KBTBD7: variants seen among roughly 807,000 people sequenced by gnomAD.
KBTBD7 encodes kelch repeat and BTB domain containing 7.
KBTBD7 carries 25 observed loss-of-function variants against 50.3 expected under a neutral mutation model. The ratio of observed to expected loss-of-function variants is 0.50; its 90% CI spans 0.36 to 0.69. The LOEUF (loss-of-function observed/expected upper bound fraction) is 0.69. Ranked by LOEUF, KBTBD7 falls within the 30% of genes least tolerant of loss-of-function variation. The pLI, the probability that KBTBD7 is intolerant of heterozygous loss-of-function variation, is 0.00. For missense variants in KBTBD7, 653 were observed against 869.5 expected, an observed-to-expected ratio of 0.75 and a Z score of 3.13; for synonymous variants, 305 against 325.3, an observed-to-expected ratio of 0.94 and a Z score of 0.67.
rs2031448196 is a variant in KBTBD7 at position 41,193,535 on chromosome 13, A to C, written c.723T>G (p.His241Gln). ...LDIESERTVCHVAVQWLEAAA... is the reference protein window; with the variant it reads ...LDIESERTVCQVAVQWLEAAA... ...CAGCCTCCAGCCACTGCACAGCTACATGGCATACAGTCCGCTCACTCTCTA... is the reference window on the plus strand; with the variant it reads ...CAGCCTCCAGCCACTGCACAGCTACCTGGCATACAGTCCGCTCACTCTCTA... Residue 241 changes from histidine (H) to glutamine (Q), a missense_variant, in exon 1 of 1, where the codon CAT becomes CAG. Physicochemically the swap from His to Gln is conservative, Grantham distance 24 (BLOSUM62 0). Transcript: ENST00000379483. This position sits in a 1 kb window ranked among gnomAD's most constrained non-coding sequence, Gnocchi z 5.7. 1 of 1,614,098 alleles carries C rather than the reference A, an allele frequency of 6.2e-7. No homozygotes were observed. Among genetic ancestry groups the C allele is most frequent in the Non-Finnish European group, 8.5e-7 (1 of 1,180,054 alleles).
In KBTBD7 at chr13:41,193,039, C is replaced by T. The variant is rs779009650; in HGVS notation, c.1219G>A (p.Val407Met). The T allele has an allele frequency of 6.2e-6, 10 of 1,614,094 alleles. No homozygotes were observed. The highest frequency in any genetic ancestry group is 3.3e-5 in the South Asian group (3 of 91,092). Residue 407 changes from valine to methionine, a missense_variant, in exon 1 of 1, where the codon GTG becomes ATG. This residue lies in a region of KBTBD7 where 526 missense variants were observed against 717.1 expected (regional missense o/e 0.73). Transcript: ENST00000379483. The surrounding 1 kb of genome is among the most constrained non-coding windows in gnomAD (Gnocchi z 5.7). Reference protein sequence around the residue: ...LAAQPRKDLWVYKPAQNSWQQ... With the variant: ...LAAQPRKDLWMYKPAQNSWQQ... ...CAACTATTCTGAGCTGGTTTATACA[C>T]CCAGAGGTCTTTCCTGGGCTGAGCA...
Position 41,194,013 on chromosome 13 carries a change from A to C in KBTBD7, c.245T>G (p.Phe82Cys). The part of the protein sequence containing the change: ...PGSGPGTGRL[F>C]SCNRNVLAAA... Reference sequence around the variant, plus strand: ...TGCTAGCACGTTGCGATTGCAGGAAAAGAGGCGACCCGTGCCAGGCCCGCT... The same window carrying C: ...TGCTAGCACGTTGCGATTGCAGGAACAGAGGCGACCCGTGCCAGGCCCGCT... The change falls in exon 1 of 1, where the codon TTT becomes TGT. Residue 82 changes from phenylalanine (F) to cysteine (C), a missense_variant. Around this residue, in one of 3 missense-constraint regions of KBTBD7, gnomAD observed 119 missense variants for 125.0 expected, o/e 0.95. Coordinates refer to ENST00000379483, the MANE Select transcript of KBTBD7 (RefSeq NM_032138.7). 1 of 1,614,210 alleles carries C rather than the reference A, an allele frequency of 6.2e-7. No individual in the cohort carries two copies. Among genetic ancestry groups the C allele is most frequent in the South Asian group, 1.1e-5 (1 of 91,086 alleles).
In KBTBD7 at chr13:41,193,543, C is replaced by T. The variant is rs748358461; in HGVS notation, c.715G>A (p.Val239Ile). 7 of 1,614,246 alleles carry T rather than the reference C, an allele frequency of 4.3e-6. No individual in the cohort carries two copies. The highest frequency in any genetic ancestry group is 1.1e-5 in the South Asian group (1 of 91,088). ...AGCCACTGCACAGCTACATGGCATA[C>T]AGTCCGCTCACTCTCTATGTCCAGA... Reference protein sequence around the residue: ...DSLDIESERTVCHVAVQWLEA... With the variant: ...DSLDIESERTICHVAVQWLEA... The change falls in exon 1 of 1, where the codon GTA becomes ATA. Residue 239 changes from valine (V) to isoleucine (I), a missense_variant. This residue lies in a region of KBTBD7 where 526 missense variants were observed against 717.1 expected (regional missense o/e 0.73). Transcript: ENST00000379483. This position sits in a 1 kb window ranked among gnomAD's most constrained non-coding sequence, Gnocchi z 5.7.
In KBTBD7 at chr13:41,193,551, T is replaced by A. The variant is rs772494547; in HGVS notation, c.707A>T (p.Glu236Val). ...CACAGCTACATGGCATACAGTCCGCTCACTCTCTATGTCCAGACTATCCAG... is the reference window on the plus strand; with the variant it reads ...CACAGCTACATGGCATACAGTCCGCACACTCTCTATGTCCAGACTATCCAG... ...LRLDSLDIESERTVCHVAVQW... is the reference protein window; with the variant it reads ...LRLDSLDIESVRTVCHVAVQW... The change falls in exon 1 of 1, where the codon GAG (glutamate) becomes GTG (valine). Residue 236 changes from glutamate to valine, a missense_variant. Glu to Val is a moderately radical substitution (Grantham distance 121). This residue lies in a region of KBTBD7 where 526 missense variants were observed against 717.1 expected (regional missense o/e 0.73). Coordinates refer to ENST00000379483, the MANE Select transcript of KBTBD7 (RefSeq NM_032138.7). The surrounding 1 kb of genome is among the most constrained non-coding windows in gnomAD (Gnocchi z 5.7). The A allele has an allele frequency of 1.2e-6, 2 of 1,614,196 alleles. No individual in the cohort carries two copies. Among genetic ancestry groups the A allele is most frequent in the Non-Finnish European group, 1.7e-6 (2 of 1,180,038 alleles).
In KBTBD7 at chr13:41,194,158, A is replaced by G. The variant is rs780098086; in HGVS notation, c.100T>C (p.Phe34Leu). 6.2e-7 allele frequency: 1 copy of G among 1,614,212 alleles called. No homozygotes were observed. Among genetic ancestry groups the G allele is most frequent in the East Asian group, 2.2e-5 (1 of 44,874 alleles). Residue 34 changes from phenylalanine to leucine, a missense_variant, in exon 1 of 1, where the codon TTC (phenylalanine) becomes CTC (leucine). By Grantham distance (22) the Phe-to-Leu change is conservative (BLOSUM62 0). Around this residue, in one of 3 missense-constraint regions of KBTBD7, gnomAD observed 119 missense variants for 125.0 expected, o/e 0.95. Transcript: ENST00000379483. ...RISKPSVSAF[F>L]TGPEELKDTA... ...TCCTTTAACTCCTCTGGACCCGTGA[A>G]AAAGGCCGAAACCGAGGGCTTGGAA...
Position 41,194,112 on chromosome 13 carries a change from A to C in KBTBD7, c.146T>G (p.Leu49Arg). 1 of 1,614,218 alleles carries C rather than the reference A, an allele frequency of 6.2e-7. No individual in the cohort carries two copies. Among genetic ancestry groups the C allele is most frequent in the Non-Finnish European group, 8.5e-7 (1 of 1,180,044 alleles). ...GTAGAAGGACTTGAGCTGTGCCAGC[A>C]GGGCTGCAGAATGGGCCGTGTCCTT... ...ELKDTAHSAA[L>R]LAQLKSFYDA... Residue 49 changes from leucine (L) to arginine (R), a missense_variant, in exon 1 of 1, where the codon CTG becomes CGG. Transcript: ENST00000379483.
chr13:41,193,250 C>T lies in KBTBD7; in HGVS notation c.1008G>A (p.Gln336=). The change falls in exon 1 of 1, where the codon CAG becomes CAA. Residue 336 remains glutamine, a synonymous_variant. Transcript: ENST00000379483. This position sits in a 1 kb window ranked among gnomAD's most constrained non-coding sequence, Gnocchi z 5.7. ...TCTCCTTGGCACACATACCCAGTCTCTGGGGTGGATTTTCTGCTGCAGATA... is the reference window on the plus strand; with the variant it reads ...TCTCCTTGGCACACATACCCAGTCTTTGGGGTGGATTTTCTGCTGCAGATA... ...SLVSAAENPP[Q]RLGMCAKEMV... 6.2e-7 allele frequency: 1 copy of T among 1,613,414 alleles called. No individual in the cohort carries two copies. Among genetic ancestry groups the T allele is most frequent in the Non-Finnish European group, 8.5e-7 (1 of 1,179,520 alleles).
At position 41,191,457 on chromosome 13, in the gene KBTBD7, T is replaced by G. The variant is rs1051019005; in HGVS notation, c.*746A>C. The G allele has an allele frequency of 4.6e-5, 7 of 151,446 alleles. No homozygotes were observed. The highest frequency in any genetic ancestry group is 1.0e-4 in the Non-Finnish European group (7 of 67,828). 9.4% of individuals were successfully genotyped at this position (151,446 alleles called of 1,614,324 possible). ...GACATTACTAAGAATGGGTGTTTTT[T>G]GGGATAGAAAATTGGTCACATATAC... On this transcript the variant is annotated 3_prime_UTR_variant, in exon 1 of 1. Coordinates refer to ENST00000379483, the MANE Select transcript of KBTBD7 (RefSeq NM_032138.7).
rs1336042764 is a variant in KBTBD7, at chr13:41,189,880, C to A, written c.*2323G>T. 1 of 152,262 alleles carries A rather than the reference C, an allele frequency of 6.6e-6. No individual in the cohort carries two copies. The highest frequency in any genetic ancestry group is 2.4e-5 in the African/African-American group (1 of 41,572). The allele number at this position is 152,262 out of a possible 1,614,324, so 9.4% of individuals were successfully genotyped here. On this transcript the variant is annotated 3_prime_UTR_variant, in exon 1 of 1. Coordinates refer to ENST00000379483, the MANE Select transcript of KBTBD7 (RefSeq NM_032138.7). ...TTTATAACTAACCATGTACAAATCA[C>A]TTATCTATAAAATAATGGTTAACAT...
Position 41,192,132 on chromosome 13 carries a change from G to T in KBTBD7, c.*71C>A. Reference sequence around the variant, plus strand: ...TGGTCCTAATCAACTTTTTTTCCAAGAAAAAGAAACGATATGTGTTTAAAA... The same window carrying T: ...TGGTCCTAATCAACTTTTTTTCCAATAAAAAGAAACGATATGTGTTTAAAA... On this transcript the variant is annotated 3_prime_UTR_variant, in exon 1 of 1. Transcript: ENST00000379483. 2.0e-6 allele frequency: 3 copies of T among 1,477,196 alleles called. No individual in the cohort carries two copies. The highest frequency in any genetic ancestry group is 2.7e-6 in the Non-Finnish European group (3 of 1,098,030). 91.5% of individuals were successfully genotyped at this position (1,477,196 alleles called of 1,614,324 possible). A position where few individuals can be genotyped will look rare whatever the true frequency, so the allele number is the denominator to read the frequency against.
Position 41,194,118 on chromosome 13 carries a change from G to A in KBTBD7, c.140C>T (p.Ala47Val). Residue 47 changes from alanine (A) to valine (V), a missense_variant, in exon 1 of 1, where the codon GCA (alanine) becomes GTA (valine). Around this residue, in one of 3 missense-constraint regions of KBTBD7, gnomAD observed 119 missense variants for 125.0 expected, o/e 0.95. Coordinates refer to ENST00000379483, the MANE Select transcript of KBTBD7 (RefSeq NM_032138.7). The part of the protein sequence containing the change: ...PEELKDTAHS[A>V]ALLAQLKSFY... ...GGACTTGAGCTGTGCCAGCAGGGCT[G>A]CAGAATGGGCCGTGTCCTTTAACTC... The A allele has an allele frequency of 6.2e-7, 1 of 1,614,230 alleles. No individual in the cohort carries two copies. Among genetic ancestry groups the A allele is most frequent in the Non-Finnish European group, 8.5e-7 (1 of 1,180,046 alleles).
chr13:41,192,908 C>T lies in KBTBD7; in HGVS notation c.1350G>A (p.Lys450=), dbSNP rs1420062829. 3.1e-6 allele frequency: 5 copies of T among 1,614,124 alleles called. No individual in the cohort carries two copies. In the African/African-American group the frequency reaches 5.3e-5, roughly 17 times the overall value. ...CACTGTAGCATTCCACTTCCTTCAA[C>T]TTAACTCCAGTAATAGGGTCTCGTC... The part of the protein sequence containing the change: ...LGGRDPITGV[K]LKEVECYSVQ... Residue 450 remains lysine, a synonymous_variant, in exon 1 of 1, where the codon AAG becomes AAA. Coordinates refer to ENST00000379483, the MANE Select transcript of KBTBD7 (RefSeq NM_032138.7).
In KBTBD7 at chr13:41,194,488, C is replaced by T. The variant is rs1593480195; in HGVS notation, c.-231G>A. On this transcript the variant is annotated 5_prime_UTR_variant, in exon 1 of 1. Transcript: ENST00000379483. ...GCGCCCTTTCTCCGCCTCCGCTCGC[C>T]CTCACAGGACCCGCTGGCTTGCAGC... 1.7e-6 allele frequency: 1 copy of T among 595,420 alleles called. No homozygotes were observed. The highest frequency in any genetic ancestry group is 3.0e-5 in the East Asian group (1 of 33,732). 36.9% of individuals were successfully genotyped at this position (595,420 alleles called of 1,614,324 possible). A position where few individuals can be genotyped will look rare whatever the true frequency, so the allele number is the denominator to read the frequency against.
rs1488695806 is a variant in KBTBD7 at position 41,191,761 on chromosome 13, GAAGGA to G, written c.*437_*441del. 1.3e-5 allele frequency: 2 copies of G among 152,172 alleles called. No homozygotes were observed. Among genetic ancestry groups the G allele is most frequent in the Non-Finnish European group, 1.5e-5 (1 of 68,466 alleles). 9.4% of individuals were successfully genotyped at this position (152,172 alleles called of 1,614,324 possible). On this transcript the variant is annotated 3_prime_UTR_variant, in exon 1 of 1. Coordinates refer to ENST00000379483, the MANE Select transcript of KBTBD7 (RefSeq NM_032138.7). ...TTTTGAAAATCTACCACTTTATTTT[GAAGGA>G]AAGTACACATCCTTCAAAACCCCGC...
In KBTBD7 at chr13:41,192,043, C is replaced by T. The variant is rs574198637; in HGVS notation, c.*160G>A. 4.6e-4 allele frequency: 271 copies of T among 594,060 alleles called. 5 individuals are homozygous for T. The South Asian group carries it at 7.6e-3, about 17-fold the overall frequency. 36.8% of individuals were successfully genotyped at this position (594,060 alleles called of 1,614,324 possible). On this transcript the variant is annotated 3_prime_UTR_variant, in exon 1 of 1. Coordinates refer to ENST00000379483, the MANE Select transcript of KBTBD7 (RefSeq NM_032138.7). The stretch of plus-strand genomic sequence containing the variant: ...CAGGATGGTAAATTATTAAACAGGT[C>T]GATTTCATGGACTGTCTAAACCTTG...
rs373095617 is a variant in KBTBD7, at chr13:41,193,839, T to C, written c.419A>G (p.Asn140Ser). ...YTGRVSLSEA[N>S]VQRLYAASDM... is the part of the protein sequence containing the mutation. ...GGAGGCCGCGTACAGGCGCTGCACA[T>C]TGGCCTCACTGAGAGACACACGACC... The change falls in exon 1 of 1, where the codon AAT becomes AGT. Residue 140 changes from asparagine (N) to serine (S), a missense_variant. Asn to Ser is a conservative substitution (Grantham distance 46). Around this residue, in one of 3 missense-constraint regions of KBTBD7, gnomAD observed 526 missense variants for 717.1 expected, o/e 0.73. Coordinates refer to ENST00000379483, the MANE Select transcript of KBTBD7 (RefSeq NM_032138.7). This position sits in a 1 kb window ranked among gnomAD's most constrained non-coding sequence, Gnocchi z 5.7. 24 of 1,614,014 alleles carry C rather than the reference T, an allele frequency of 1.5e-5. No homozygotes were observed. The highest frequency in any genetic ancestry group is 1.6e-5 in the Non-Finnish European group (19 of 1,180,048).
chr13:41,193,178 G>A lies in KBTBD7; in HGVS notation c.1080C>T (p.Asp360=), dbSNP rs148326074. 1.9e-6 allele frequency: 3 copies of A among 1,614,062 alleles called. No individual in the cohort carries two copies. The highest frequency in any genetic ancestry group is 2.5e-6 in the Non-Finnish European group (3 of 1,180,034). ...GHPRDPFLCY[D]PYSGDIYTMP... Reference sequence around the variant, plus strand: ...TTGTGTAAATGTCCCCCGAGTAAGGGTCATAGCAGAGAAAGGGATCTCTAG... The same window carrying A: ...TTGTGTAAATGTCCCCCGAGTAAGGATCATAGCAGAGAAAGGGATCTCTAG... Residue 360 remains aspartate (D), a synonymous_variant, in exon 1 of 1, where the codon GAC becomes GAT. Transcript: ENST00000379483. The surrounding 1 kb of genome is among the most constrained non-coding windows in gnomAD (Gnocchi z 5.7).
chr13:41,192,154 A>G lies in KBTBD7; in HGVS notation c.*49T>C. 1.3e-6 allele frequency: 2 copies of G among 1,525,286 alleles called. No homozygotes were observed. Among genetic ancestry groups the G allele is most frequent in the Non-Finnish European group, 1.8e-6 (2 of 1,133,812 alleles). 94.5% of individuals were successfully genotyped at this position (1,525,286 alleles called of 1,614,324 possible). On this transcript the variant is annotated 3_prime_UTR_variant, in exon 1 of 1. Coordinates refer to ENST00000379483, the MANE Select transcript of KBTBD7 (RefSeq NM_032138.7). ...CAAGAAAAAGAAACGATATGTGTTT[A>G]AAATACATTCCGTAGCAGTAGAAAC...
chr13:41,192,108 G>A lies in KBTBD7; in HGVS notation c.*95C>T, dbSNP rs1593477770. The stretch of plus-strand genomic sequence containing the variant: ...ATTACCCTTTCTAAACCAAATCTGT[G>A]GTCCTAATCAACTTTTTTTCCAAGA... On this transcript the variant is annotated 3_prime_UTR_variant, in exon 1 of 1. Coordinates refer to ENST00000379483, the MANE Select transcript of KBTBD7 (RefSeq NM_032138.7). 3 of 1,217,490 alleles carry A rather than the reference G, an allele frequency of 2.5e-6. No homozygotes were observed. Among genetic ancestry groups the A allele is most frequent in the African/African-American group, 3.0e-5 (2 of 65,750 alleles). The allele number at this position is 1,217,490 out of a possible 1,614,324, so 75.4% of individuals were successfully genotyped here.
Sources: gnomAD v4.1 joint callset for allele counts on GRCh38, gnomAD v4.1.1 for gene constraint, gnomAD v4.1.1 regional missense constraint, Gnocchi (gnomAD v3.1) non-coding constraint, MANE v1.5 for transcripts, NCBI Gene and HGNC (gene_info 2026-07-23, HGNC 2026-07-21) for gene names.